Variants in MMP16 observed in about 807,000 individuals in gnomAD.
MMP16 encodes the protein matrix metallopeptidase 16.
MMP16 carries 12 observed loss-of-function variants against 67.8 expected under a neutral mutation model. That is an observed-to-expected ratio of 0.18 (90% CI 0.11 to 0.29). The LOEUF (loss-of-function observed/expected upper bound fraction) is 0.29. MMP16 is among the 10% of genes least tolerant of loss of function. MMP16 has a pLI of 1.00. For missense variants in MMP16, 475 were observed against 765.7 expected, an observed-to-expected ratio of 0.62 and a Z score of 4.48; for synonymous variants, 249 against 255.9, an observed-to-expected ratio of 0.97 and a Z score of 0.26.
intron 7 of MMP16, among the ~76,000 whole-genome samples, chr8:88,064,943 A>G (rs554093129): frequency 7.2e-5 from 11 of 152,202 alleles, no homozygotes; most frequent in Non-Finnish European, 1.6e-4. Flanking sequence ...GAAAGAAACT[A>G]TCATCAGCTG....
intron 1 of MMP16, among the ~76,000 whole-genome samples, chr8:88,282,085 G>T (rs962974558): frequency 2.8e-5 from 4 of 142,298 alleles, no homozygotes; most frequent in African/African-American, 2.8e-5. Context: ...TCTTTTTTGG[G>T]GGGGGGGGGG....
chr8:88,116,829 A>C, intron 5 of MMP16, 111 bp from the exon 6 acceptor site: 1 of 950,690 alleles, frequency 1.1e-6, no homozygotes, highest in Admixed American at 2.3e-5. Flanking sequence ...TAACTGAACT[A>C]AGAGGTCTTT....
chr8:88,201,144 CAAAAAAAAAA>C (rs71277984), intron 1 of MMP16, among the ~76,000 whole-genome samples: 3 of 109,404 alleles, frequency 2.7e-5, no homozygotes, highest in South Asian at 2.9e-4. Flanking sequence ...TTTCCCCCCC[CAAAAAAAAAA>C]AAAAAAAAAA....
chr8:88,220,812 A>G (rs1809670551), intron 1 of MMP16, among the ~76,000 whole-genome samples: 1 of 152,070 alleles, frequency 6.6e-6, no homozygotes, highest in African/African-American at 2.4e-5. Context: ...TACGATATCA[A>G]TTTTTTATAT....
intron 4 of MMP16, among the ~76,000 whole-genome samples, chr8:88,156,608 C>CA (rs1054018575): frequency 1.5e-4 from 22 of 150,720 alleles, no homozygotes; most frequent in East Asian, 5.9e-4. Context: ...TGTAATTCTG[C>CA]AAAAAAAAGT....
In MMP16 at chr8:88,303,216, G is replaced by A. The variant is rs148879911; in HGVS notation, c.132+23859C>T. ...GGCTGAATCCAGGGAGCCAGGCAGC[G>A]TCGTTTTAAGGGCCCCACTTCCATA... On this transcript the variant is annotated intron_variant, in intron 1 of 9. Transcript: ENST00000286614. 3.2e-4 allele frequency among the ~76,000 whole-genome samples: 49 copies of A among 152,304 alleles called. No individual in the cohort carries two copies. In the South Asian group the frequency reaches 8.9e-3, roughly 28 times the overall value.
At chr8:88,113,511 A>C (rs560113648) in intron 6 of MMP16, among the ~76,000 whole-genome samples, 6 of 152,072 alleles carry the variant, frequency 3.9e-5, no homozygotes, top group African/African-American at 1.4e-4. Context: ...AGAGACAGTC[A>C]ATAAGGAGCA....
intron 1 of MMP16, among the ~76,000 whole-genome samples, chr8:88,240,782 T>C (rs1810021271): frequency 1.3e-5 from 2 of 152,162 alleles, no homozygotes; most frequent in South Asian, 4.1e-4. Context: ...ATCTAGTATC[T>C]AAAATTACCT....
chr8:88,106,219 A>C (rs1428222286), intron 6 of MMP16, among the ~76,000 whole-genome samples: 1 of 151,030 alleles, frequency 6.6e-6, no homozygotes, highest in African/African-American at 2.4e-5. Context: ...TCTGGGTATG[A>C]GTGTGTATCT....
At chr8:88,054,424 T>A (rs1808307075) in intron 8 of MMP16, among the ~76,000 whole-genome samples, 1 of 152,300 alleles carries the variant, frequency 6.6e-6, no homozygotes, top group Non-Finnish European at 1.5e-5. Flanking sequence ...AGTCTGCAGA[T>A]TTACTTTCAT....
chr8:88,040,040 G>A lies in MMP16; in HGVS notation c.*1421C>T, dbSNP rs1808110493. The stretch of plus-strand genomic sequence containing the variant: ...ATATTCATGCAACTTCAGAGTCACC[G>A]TTTTAATTCATTTTTAAAATGGCAA... On this transcript the variant is annotated 3_prime_UTR_variant, in exon 10 of 10. Coordinates refer to ENST00000286614, the MANE Select transcript of MMP16 (RefSeq NM_005941.5). 1 of 152,476 alleles carries A rather than the reference G, an allele frequency of 6.6e-6. No homozygotes were observed. The highest frequency in any genetic ancestry group is 2.1e-4 in the South Asian group (1 of 4,830). 9.4% of individuals were successfully genotyped at this position (152,476 alleles called of 1,614,324 possible).
At chr8:88,218,265 A>C (rs543270901) in intron 1 of MMP16, among the ~76,000 whole-genome samples, 2 of 152,086 alleles carry the variant, frequency 1.3e-5, no homozygotes, top group African/African-American at 4.8e-5. Context: ...GCATCATTCT[A>C]ATGATGCACA....
In MMP16 at chr8:88,036,427, G is replaced by A. The variant is rs1036465523; in HGVS notation, c.*5034C>T. On this transcript the variant is annotated 3_prime_UTR_variant, in exon 10 of 10. Transcript: ENST00000286614. The stretch of plus-strand genomic sequence containing the variant: ...TCCATCATATTATATAAATATGAAA[G>A]CTAAATATAATAATTAGCTTTCATA... 6.6e-6 allele frequency: 1 copy of A among 151,648 alleles called. No individual in the cohort carries two copies. Among genetic ancestry groups the A allele is most frequent in the Non-Finnish European group, 1.5e-5 (1 of 67,796 alleles). 9.4% of individuals were successfully genotyped at this position (151,648 alleles called of 1,614,324 possible).
intron 4 of MMP16, among the ~76,000 whole-genome samples, chr8:88,156,818 A>G (rs917131510): frequency 5.3e-5 from 8 of 152,118 alleles, no homozygotes; most frequent in Non-Finnish European, 1.0e-4. Context: ...AACAATTTAA[A>G]GATGAATTAG....
At chr8:88,173,237 A>T (rs1808833494) in intron 3 of MMP16, among the ~76,000 whole-genome samples, 2 of 152,110 alleles carry the variant, frequency 1.3e-5, no homozygotes, top group Admixed American at 6.6e-5. Context: ...CCTTTTGTAG[A>T]GACAGGGTTT....
At chr8:88,271,998 T>C (rs1373725170) in intron 1 of MMP16, among the ~76,000 whole-genome samples, 1 of 152,184 alleles carries the variant, frequency 6.6e-6, no homozygotes, top group Admixed American at 6.5e-5. Context: ...TGTCCATCTA[T>C]AAAATGGAGA....
Position 88,273,924 on chromosome 8 carries a change from C to T in MMP16, c.132+53151G>A, listed in dbSNP as rs570502856. ...AGGGGACACCACAAAACAGCAACAT[C>T]ATCAACCTTGGTTGTCATAGCTGTT... On this transcript the variant is annotated intron_variant, in intron 1 of 9. Coordinates refer to ENST00000286614, the MANE Select transcript of MMP16 (RefSeq NM_005941.5). Among the ~76,000 whole-genome samples the T allele has an allele frequency of 7.9e-5, 12 of 152,242 alleles. No individual in the cohort carries two copies. The South Asian group carries it at 1.5e-3, about 18-fold the overall frequency.
chr8:88,172,354 T>C (rs1394320809), intron 3 of MMP16, among the ~76,000 whole-genome samples: 1 of 152,190 alleles, frequency 6.6e-6, no homozygotes, highest in East Asian at 1.9e-4. Flanking sequence ...AAATACAAGA[T>C]ATACAAGTAT....
chr8:88,095,104 C>T (rs564843466), intron 6 of MMP16, among the ~76,000 whole-genome samples: 1 of 151,856 alleles, frequency 6.6e-6, no homozygotes, highest in African/African-American at 2.4e-5. Context: ...ACAGATTTTA[C>T]AGTACATTAA....
Sources: gnomAD v4.1 joint callset for allele counts (sites outside exome capture counted in the v4.1 genomes callset) on GRCh38, gnomAD v4.1.1 for gene constraint, MANE v1.5 for transcripts, NCBI Gene and HGNC (gene_info 2026-07-23, HGNC 2026-07-21) for gene names.